Variants in BRI3 observed in about 807,000 individuals in gnomAD.
The protein encoded by BRI3 is brain protein I3, also known as membrane protein BRI3.
In BRI3, 6 loss-of-function variants were observed where a neutral mutation model predicts 12.8. The observed-to-expected ratio is 0.47, with a 90% CI of 0.26 to 0.93. The LOEUF is 0.93. BRI3 is among the 40% of genes least tolerant of loss of function. The pLI is 0.15. For synonymous variants in BRI3, 91 were observed against 76.1 expected, an observed-to-expected ratio of 1.20 and a Z score of -1.02; for missense variants, 134 against 171.1, an observed-to-expected ratio of 0.78 and a Z score of 1.21.
chr7:98,282,662 G>T, intron 2 of BRI3: 1 of 545,500 alleles, frequency 1.8e-6, no homozygotes, highest in Non-Finnish European at 3.3e-6. Flanking sequence ...CACATTTTGT[G>T]GGGGCAAAAG....
chr7:98,304,358 G>C (rs1421739212), upstream of BRI3: 3 of 1,613,550 alleles, frequency 1.9e-6, no homozygotes, highest in East Asian at 2.2e-5. Context: ...CGGTGCTGAT[G>C]CTTCTCACTG....
chr7:98,305,461 C>T (rs1409370930), upstream of BRI3, among the ~76,000 whole-genome samples: 3 of 152,142 alleles, frequency 2.0e-5, no homozygotes, highest in Admixed American at 6.6e-5. Flanking sequence ...GGGAATGCAA[C>T]GTCGGACCTG....
chr7:98,300,751 C>A (rs1584420553), intron 1 of BRI3, among the ~76,000 whole-genome samples: 3 of 152,148 alleles, frequency 2.0e-5, no homozygotes, highest in Non-Finnish European at 4.4e-5. Flanking sequence ...AGGCTGGCGG[C>A]ACCACTCCCC....
the BRI3 span, chr7:98,315,647 A>AAT: frequency 2.2e-5 from 23 of 1,062,968 alleles, no homozygotes; most frequent in Admixed American, 4.0e-5. Context: ...TAATAATTAT[A>AAT]TAAGCATGAC....
At chr7:98,308,122 G>C (rs1162395221) in exon 2 of BRI3, 1 of 664,752 alleles carries the variant, frequency 1.5e-6, no homozygotes, top group East Asian at 3.0e-5. Context: ...CCGTGCAGAA[G>C]AGGATCCCTG....
chr7:98,307,587 G>T, exon 2 of BRI3: 1 of 1,524,650 alleles, frequency 6.6e-7, no homozygotes. Context: ...ACTTAACTTT[G>T]GCTAAAATGT....
At chr7:98,320,238 T>C in the BRI3 span, 1 of 1,608,334 alleles carries the variant, frequency 6.2e-7, no homozygotes, top group Non-Finnish European at 8.5e-7. Flanking sequence ...ATCACGTACA[T>C]TTTCATCAAG....
At chr7:98,315,391 G>A (rs1199269369), downstream of BRI3, 5 of 1,302,128 alleles carry the variant, frequency 3.8e-6, no homozygotes, top group Admixed American at 1.5e-4. Context: ...CCACGGCCCA[G>A]CCTTCTGGGG....
At chr7:98,303,345 G>C (rs749810388), upstream of BRI3, among the ~76,000 whole-genome samples, 2 of 152,092 alleles carry the variant, frequency 1.3e-5, no homozygotes, top group African/African-American at 2.4e-5. Flanking sequence ...ACAGCTCCTG[G>C]AGCGAGGGGT....
chr7:98,293,639 A>T, downstream of BRI3: 1 of 1,579,644 alleles, frequency 6.3e-7, no homozygotes. Flanking sequence ...CTGCTCTACG[A>T]GGGAAACTGG....
rs186797170 is a variant in BRI3, at chr7:98,298,322, A to C, written c.72-8161A>C. On this transcript the variant is annotated intron_variant and NMD_transcript_variant, in intron 1 of 2. Coordinates refer to the BRI3 transcript ENST00000491463. ...ACCATGTATAAAAATGCTTTTAAAA[A>C]ACATTAGGGGCTGGGTGCGGTGGCT... is the stretch of plus-strand genomic sequence containing the variant. Among the ~76,000 whole-genome samples the C allele has an allele frequency of 1.3e-3, 195 of 151,994 alleles. 1 individual carries two copies. The highest frequency in any genetic ancestry group is 2.2e-3 in the Non-Finnish European group (147 of 67,950).
At position 98,281,831 on chromosome 7, in the gene BRI3, C is replaced by G. The variant is rs755033596; in HGVS notation, c.36C>G (p.Pro12=). ...DHKPLLQERP[P]AYNLEAGQGD... is the part of the protein sequence containing the mutation. The stretch of plus-strand genomic sequence containing the variant: ...AGCCGCTGCTGCAGGAGCGGCCGCC[C>G]GCCTACAACCTGGAGGCCGGCCAGG... Residue 12 remains proline, a synonymous_variant, in exon 1 of 3, where the codon CCC becomes CCG. Coordinates refer to ENST00000297290, the MANE Select transcript of BRI3 (RefSeq NM_015379.5). The G allele has an allele frequency of 1.6e-6, 2 of 1,271,030 alleles. No individual in the cohort carries two copies. Among genetic ancestry groups the G allele is most frequent in the Non-Finnish European group, 9.9e-7 (1 of 1,005,918 alleles). 78.7% of individuals were successfully genotyped at this position (1,271,030 alleles called of 1,614,324 possible).
chr7:98,298,077 C>G (rs377318905), intron 1 of BRI3, among the ~76,000 whole-genome samples: 23 of 152,094 alleles, frequency 1.5e-4, no homozygotes, highest in South Asian at 8.3e-4. Context: ...TTAATAAAAA[C>G]TTAAAGAGAT....
At chr7:98,290,178 G>GTTTTTTTTTTTTT (rs1200763476) in intron 2 of BRI3, among the ~76,000 whole-genome samples, 2 of 92,280 alleles carry the variant, frequency 2.2e-5, no homozygotes, top group African/African-American at 7.1e-5. Flanking sequence ...GCCTCTCAAG[G>GTTTTTTTTTTTTT]TTGTTTTTTT....
chr7:98,293,490 G>A, downstream of BRI3: 4 of 1,597,126 alleles, frequency 2.5e-6, no homozygotes, highest in Non-Finnish European at 3.4e-6. Context: ...GGGAGAACCG[G>A]AGAGGCCCGG....
At chr7:98,292,817 G>A (rs1800025007), downstream of BRI3, 1 of 1,505,096 alleles carries the variant, frequency 6.6e-7, no homozygotes, top group Non-Finnish European at 8.9e-7. Flanking sequence ...TGTCCTGGAT[G>A]GGCCGTGTGC....
chr7:98,282,052 G>A, intron 1 of BRI3, 115 bp downstream of exon 1: 1 of 1,304,220 alleles, frequency 7.7e-7, no homozygotes, highest in Non-Finnish European at 9.8e-7. Flanking sequence ...GGAGCTGGAG[G>A]TCCCCGGGCT....
chr7:98,291,235 T>C lies in BRI3; in HGVS notation c.370T>C (p.Phe124Leu). ...ACGATGCCCCAACTGTGGAGCCACC[T>C]TCGCTTAAAGGGAACACCAGGCCCG... is the stretch of plus-strand genomic sequence containing the variant. ...KRRCPNCGAT[F>L]A The change falls in exon 3 of 3, where the codon TTC (phenylalanine) becomes CTC (leucine). Residue 124 changes from phenylalanine to leucine, a missense_variant. By Grantham distance (22) the Phe-to-Leu change is conservative. Coordinates refer to ENST00000297290, the MANE Select transcript of BRI3 (RefSeq NM_015379.5). 6.2e-7 allele frequency: 1 copy of C among 1,613,194 alleles called. No homozygotes were observed. Among genetic ancestry groups the C allele is most frequent in the South Asian group, 1.1e-5 (1 of 91,038 alleles).
In BRI3 at chr7:98,281,926, A is replaced by C. The variant is rs1469279706; in HGVS notation, c.131A>C (p.Tyr44Ser). The change falls in exon 1 of 3, where the codon TAC (tyrosine) becomes TCC (serine). Residue 44 changes from tyrosine (Y) to serine (S), a missense_variant. Transcript: ENST00000297290. ...PAAPPPPPYP[Y>S]LVTGIPTHHP... ...GCGCCCCCGCCGCCGCCCTACCCCTACCTCGTCACAGGTGGGCCCGTAACC... is the reference window on the plus strand; with the variant it reads ...GCGCCCCCGCCGCCGCCCTACCCCTCCCTCGTCACAGGTGGGCCCGTAACC... The C allele has an allele frequency of 1.0e-5, 13 of 1,306,184 alleles. No individual in the cohort carries two copies. Among genetic ancestry groups the C allele is most frequent in the Non-Finnish European group, 1.3e-5 (13 of 1,029,240 alleles). The allele number at this position is 1,306,184 out of a possible 1,614,324, so 80.9% of individuals were successfully genotyped here.
Sources: allele counts gnomAD v4.1 joint callset (sites outside exome capture counted in the v4.1 genomes callset), GRCh38; gene constraint gnomAD v4.1.1; transcripts MANE v1.5; gene names NCBI Gene and HGNC (gene_info 2026-07-23, HGNC 2026-07-21).